Variants in COL14A1 observed in about 807,000 individuals in gnomAD.
COL14A1 encodes collagen alpha-1(XIV) chain.
Under a neutral mutation model 230.3 loss-of-function variants are expected in COL14A1, and 136 were observed. The observed-to-expected ratio is 0.59, with a 90% CI of 0.51 to 0.68. The LOEUF (loss-of-function observed/expected upper bound fraction) is 0.68. Among genes scored for constraint, COL14A1 ranks in the 30% least tolerant of loss-of-function variants. COL14A1 has a pLI of 0.00. For synonymous variants in COL14A1, 792 were observed against 784.1 expected (o/e 1.01, Z -0.17); for missense variants, 1,976 against 2,215.8 (o/e 0.89, Z 2.17).
chr8:120,342,251 C>A, intron 43 of COL14A1, 129 bp from the exon 44 acceptor site: 1 of 849,200 alleles, frequency 1.2e-6, no homozygotes, highest in South Asian at 1.5e-5. Flanking sequence ...GGTGGTCAAA[C>A]CCACCTGTTG....
intron 47 of COL14A1, among the ~76,000 whole-genome samples, chr8:120,369,852 G>A (rs894650861): frequency 8.5e-5 from 13 of 152,134 alleles, no homozygotes; most frequent in Admixed American, 5.2e-4. Context: ...TGGCCAAGAC[G>A]TCCCATAAAA....
At chr8:120,266,685 T>G (rs902322713) in intron 24 of COL14A1, 142 bp from the exon 25 acceptor site, 8 of 686,100 alleles carry the variant, frequency 1.2e-5, no homozygotes, top group Non-Finnish European at 1.7e-5. Context: ...AGGCTGCGGC[T>G]GATTTATAGT....
intron 5 of COL14A1, among the ~76,000 whole-genome samples, chr8:120,179,637 G>A (rs1816397134): frequency 6.6e-6 from 1 of 152,052 alleles, no homozygotes; most frequent in African/African-American, 2.4e-5. Context: ...TAGATTCAAT[G>A]CCATCCCATC....
intron 42 of COL14A1, among the ~76,000 whole-genome samples, chr8:120,335,336 C>A (rs1013623020): frequency 6.6e-6 from 1 of 152,140 alleles, no homozygotes. Context: ...CAGAAAGGGG[C>A]CCTTGAAAGC....
At chr8:120,240,799 C>T (rs1818587254) in intron 19 of COL14A1, among the ~76,000 whole-genome samples, 3 of 152,144 alleles carry the variant, frequency 2.0e-5, no homozygotes, top group Admixed American at 1.3e-4. Flanking sequence ...TGTTTCTATA[C>T]TTTCTAGATA....
intron 45 of COL14A1, among the ~76,000 whole-genome samples, chr8:120,356,879 C>T (rs932322595): frequency 6.6e-6 from 1 of 152,034 alleles, no homozygotes; most frequent in Admixed American, 6.6e-5. Flanking sequence ...TTTGAATGCC[C>T]TTCAGAACAA....
chr8:120,254,587 A>G (rs1487930641), intron 22 of COL14A1, among the ~76,000 whole-genome samples: 1 of 152,130 alleles, frequency 6.6e-6, no homozygotes, highest in Non-Finnish European at 1.5e-5. Context: ...TAATATTTAG[A>G]AAACACAAGT....
intron 40 of COL14A1, among the ~76,000 whole-genome samples, chr8:120,327,041 A>C (rs1821697776): frequency 6.6e-6 from 1 of 152,138 alleles, no homozygotes; most frequent in Non-Finnish European, 1.5e-5. Flanking sequence ...AAAAACAGAA[A>C]CAAAAACAAA....
chr8:120,207,669 A>C (rs1019169765), intron 10 of COL14A1, among the ~76,000 whole-genome samples: 1 of 152,206 alleles, frequency 6.6e-6, no homozygotes, highest in Non-Finnish European at 1.5e-5. Context: ...TTGATACCAC[A>C]ATTCACAAGC....
At chr8:120,256,170 A>G (rs1819144765) in intron 23 of COL14A1, among the ~76,000 whole-genome samples, 1 of 152,218 alleles carries the variant, frequency 6.6e-6, no homozygotes, top group Non-Finnish European at 1.5e-5. Flanking sequence ...GATTTTTTAA[A>G]ATCTTCCAAA....
At chr8:120,164,711 A>G (rs915207411) in intron 4 of COL14A1, among the ~76,000 whole-genome samples, 1 of 152,142 alleles carries the variant, frequency 6.6e-6, no homozygotes, top group Non-Finnish European at 1.5e-5. Context: ...AAAGGTTTTT[A>G]TGTTAATTTT....
intron 42 of COL14A1, among the ~76,000 whole-genome samples, chr8:120,335,432 T>C (rs1468550461): frequency 6.6e-6 from 1 of 152,220 alleles, no homozygotes; most frequent in African/African-American, 2.4e-5. Flanking sequence ...ATACCACAGC[T>C]GGCTTGGGCA....
chr8:120,231,141 A>G (rs1221367926), intron 18 of COL14A1, among the ~76,000 whole-genome samples: 2 of 151,880 alleles, frequency 1.3e-5, no homozygotes, highest in Non-Finnish European at 2.9e-5. Context: ...TCTCATGACC[A>G]CTCTTTCCTT....
At chr8:120,213,029 G>A (rs941994339) in intron 13 of COL14A1, among the ~76,000 whole-genome samples, 1 of 152,124 alleles carries the variant, frequency 6.6e-6, no homozygotes, top group South Asian at 2.1e-4. Context: ...AAAACACTCA[G>A]CACATAGTTA....
intron 1 of COL14A1, among the ~76,000 whole-genome samples, chr8:120,139,389 T>G (rs1263515927): frequency 6.6e-6 from 1 of 152,308 alleles, no homozygotes; most frequent in African/African-American, 2.4e-5. Context: ...TTCAAACCTG[T>G]ATAGAGCTAT....
At chr8:120,135,917 A>G (rs1213619100) in intron 1 of COL14A1, among the ~76,000 whole-genome samples, 1 of 152,020 alleles carries the variant, frequency 6.6e-6, no homozygotes, top group Non-Finnish European at 1.5e-5. Context: ...ATTTTCTGCT[A>G]TTATATAAGA....
intron 19 of COL14A1, among the ~76,000 whole-genome samples, chr8:120,236,871 T>G (rs932078513): frequency 6.6e-6 from 1 of 152,174 alleles, no homozygotes; most frequent in Non-Finnish European, 1.5e-5. Flanking sequence ...TCTCCTTCAC[T>G]TATGAAGCTT....
At chr8:120,306,783 C>A (rs972382590) in intron 36 of COL14A1, among the ~76,000 whole-genome samples, 5 of 152,130 alleles carry the variant, frequency 3.3e-5, no homozygotes, top group Admixed American at 6.6e-5. Flanking sequence ...ACATGAATAT[C>A]TGTGAGGTAA....
intron 4 of COL14A1, among the ~76,000 whole-genome samples, chr8:120,167,350 AATG>A (rs1251041384): frequency 2.8e-5 from 2 of 70,824 alleles, no homozygotes; most frequent in Non-Finnish European, 7.5e-5. Flanking sequence ...ATTTCCATGA[AATG>A]AATGTAGCAA....
Sources: allele counts gnomAD v4.1 joint callset (sites outside exome capture counted in the v4.1 genomes callset), GRCh38; gene constraint gnomAD v4.1.1; transcripts MANE v1.5; gene names NCBI Gene and HGNC (gene_info 2026-07-23, HGNC 2026-07-21).